MAD1L1: variants seen among roughly 807,000 people sequenced by gnomAD.
MAD1L1 encodes mitotic spindle assembly checkpoint protein MAD1.
A neutral mutation model predicts 96.9 loss-of-function variants in MAD1L1; 95 were observed. The observed-to-expected ratio is 0.98, with a 90% CI of 0.83 to 1.16. The LOEUF is 1.16. MAD1L1 is among the 50% of genes most tolerant of loss of function. The pLI is 0.00. For synonymous variants in MAD1L1, 473 were observed against 396.6 expected, an observed-to-expected ratio of 1.19 and a Z score of -2.29; for missense variants, 1,007 against 954.4, an observed-to-expected ratio of 1.06 and a Z score of -0.73.
At chr7:1,854,813 G>A (rs1210367200) in intron 18 of MAD1L1, among the ~76,000 whole-genome samples, 4 of 152,230 alleles carry the variant, frequency 2.6e-5, no homozygotes, top group African/African-American at 4.8e-5. Context: ...GGAGACAAAG[G>A]CAGGACAGGA....
intron 4 of MAD1L1, among the ~76,000 whole-genome samples, chr7:2,224,775 G>C (rs1793794891): frequency 6.6e-6 from 1 of 152,162 alleles, no homozygotes; most frequent in Admixed American, 6.5e-5. Flanking sequence ...GCACTCAGTG[G>C]AAACCTAATT....
chr7:2,110,138 C>A (rs1787304312), intron 11 of MAD1L1, among the ~76,000 whole-genome samples: 1 of 152,256 alleles, frequency 6.6e-6, no homozygotes, highest in African/African-American at 2.4e-5. Context: ...TGATCTCACA[C>A]ACGTTATCAA....
chr7:1,866,117 G>A (rs1189531146), intron 18 of MAD1L1, among the ~76,000 whole-genome samples: 1 of 152,248 alleles, frequency 6.6e-6, no homozygotes, highest in African/African-American at 2.4e-5. Context: ...TGGGAGCACA[G>A]ATGCTCAGCA....
In MAD1L1 at chr7:2,001,188, T is replaced by C. The variant is rs987628208; in HGVS notation, c.1416+877A>G. 9.9e-5 allele frequency among the ~76,000 whole-genome samples: 15 copies of C among 152,224 alleles called. 1 individual carries two copies. The highest frequency in any genetic ancestry group is 9.2e-4 in the Admixed American group (14 of 15,288). ...AGGATGCCCGACGGGAGCCTCGACC[T>C]GGGCTGCAGGCCCTGGGGTCCGTAC... On this transcript the variant is annotated intron_variant, in intron 14 of 18. Coordinates refer to ENST00000265854, the MANE Select transcript of MAD1L1 (RefSeq NM_001013836.2).
chr7:2,095,658 C>T (rs1240831954), intron 11 of MAD1L1, among the ~76,000 whole-genome samples: 2 of 152,202 alleles, frequency 1.3e-5, no homozygotes, highest in African/African-American at 2.4e-5. Flanking sequence ...CGAGGCAGCA[C>T]TTCCTCCCTG....
intron 12 of MAD1L1, among the ~76,000 whole-genome samples, chr7:2,018,465 G>A (rs1003690519): frequency 2.6e-5 from 4 of 152,248 alleles, no homozygotes; most frequent in African/African-American, 9.6e-5. Context: ...AGAGCAGGCA[G>A]GTGGGGCAGG....
chr7:1,865,879 T>C (rs111692581), intron 18 of MAD1L1, among the ~76,000 whole-genome samples: 6,833 of 152,268 alleles, frequency 0.045, 485 homozygotes, highest in African/African-American at 0.16. Flanking sequence ...ACGAGCCAGA[T>C]GACAGCCTCT....
intron 10 of MAD1L1, among the ~76,000 whole-genome samples, chr7:2,188,498 G>T (rs1374149414): frequency 6.6e-6 from 1 of 152,198 alleles, no homozygotes; most frequent in East Asian, 1.9e-4. Context: ...CAGGCATATG[G>T]ACCCATGAAA....
At chr7:1,926,718 G>A (rs1433502964) in intron 17 of MAD1L1, among the ~76,000 whole-genome samples, 1 of 152,206 alleles carries the variant, frequency 6.6e-6, no homozygotes, top group Non-Finnish European at 1.5e-5. Flanking sequence ...ACTAAGAATG[G>A]AAAGAGCGTT....
At chr7:2,159,308 A>C (rs1789987134) in intron 10 of MAD1L1, among the ~76,000 whole-genome samples, 1 of 152,182 alleles carries the variant, frequency 6.6e-6, no homozygotes, top group Admixed American at 6.5e-5. Context: ...AACCTCCCAC[A>C]ACGGGAGCCA....
At chr7:2,209,464 A>G (rs1029364655) in intron 10 of MAD1L1, among the ~76,000 whole-genome samples, 7 of 152,196 alleles carry the variant, frequency 4.6e-5, no homozygotes, top group Admixed American at 4.6e-4. Context: ...GGTCAGAAAC[A>G]AGGCAGGCAT....
At chr7:2,104,407 C>G (rs1266041922) in intron 11 of MAD1L1, among the ~76,000 whole-genome samples, 1 of 152,260 alleles carries the variant, frequency 6.6e-6, no homozygotes, top group Non-Finnish European at 1.5e-5. Context: ...CGCAGTCTGG[C>G]ATGTGGAGGC....
At chr7:1,911,200 C>A (rs1216895862) in intron 17 of MAD1L1, among the ~76,000 whole-genome samples, 3 of 152,078 alleles carry the variant, frequency 2.0e-5, no homozygotes, top group African/African-American at 7.3e-5. Context: ...GCACTCAACA[C>A]CCGCTGGACA....
rs542600791 is a variant in MAD1L1 at position 2,030,400 on chromosome 7, G to A, written c.1219-15758C>T. 1.2e-4 allele frequency among the ~76,000 whole-genome samples: 18 copies of A among 152,350 alleles called. 1 individual carries two copies. Among genetic ancestry groups the A allele is most frequent in the Middle Eastern group, 6.8e-3 (2 of 294 alleles). Reference sequence around the variant, plus strand: ...TGCAATTCTACTATTAATAATTTCCGTATAGCAGCTCGAACAAAGCACTGA... The same window carrying A: ...TGCAATTCTACTATTAATAATTTCCATATAGCAGCTCGAACAAAGCACTGA... On this transcript the variant is annotated intron_variant, in intron 12 of 18. Coordinates refer to ENST00000265854, the MANE Select transcript of MAD1L1 (RefSeq NM_001013836.2).
intron 15 of MAD1L1, among the ~76,000 whole-genome samples, chr7:1,961,385 AAGAC>A (rs1365848433): frequency 6.6e-6 from 1 of 152,242 alleles, no homozygotes; most frequent in East Asian, 1.9e-4. Flanking sequence ...ACTGGTCTGC[AAGAC>A]AGACAGACCG....
intron 17 of MAD1L1, among the ~76,000 whole-genome samples, chr7:1,932,428 G>A (rs879381294): frequency 1.2e-4 from 19 of 152,298 alleles, no homozygotes; most frequent in Non-Finnish European, 2.2e-4. Flanking sequence ...GAGACGGTGC[G>A]GGGCCGTCAA....
chr7:1,898,916 G>A (rs924830221), intron 17 of MAD1L1, among the ~76,000 whole-genome samples: 3 of 152,296 alleles, frequency 2.0e-5, no homozygotes, highest in East Asian at 1.9e-4. Context: ...CCAGGTTGCC[G>A]CCTGGGTCCT....
At chr7:2,003,356 G>C (rs937973771) in intron 13 of MAD1L1, among the ~76,000 whole-genome samples, 2 of 152,138 alleles carry the variant, frequency 1.3e-5, no homozygotes, top group African/African-American at 4.8e-5. Flanking sequence ...TGGAGACACA[G>C]AAAACAAGGC....
chr7:1,885,722 C>G (rs1015035467), intron 18 of MAD1L1, among the ~76,000 whole-genome samples: 1 of 152,210 alleles, frequency 6.6e-6, no homozygotes. Context: ...ACTGCTGCCC[C>G]GTGGAGCAGA....
Sources: gnomAD v4.1 joint callset for allele counts (sites outside exome capture counted in the v4.1 genomes callset) on GRCh38, gnomAD v4.1.1 for gene constraint, MANE v1.5 for transcripts, NCBI Gene and HGNC (gene_info 2026-07-23, HGNC 2026-07-21) for gene names.